Variants in CA10 observed in about 807,000 individuals in gnomAD.
CA10 encodes carbonic anhydrase-related protein 10.
CA10 carries 14 observed loss-of-function variants against 44.2 expected under a neutral mutation model. The ratio of observed to expected loss-of-function variants is 0.32; its 90% CI spans 0.21 to 0.50. The LOEUF is 0.50. CA10 is among the 20% of genes least tolerant of loss of function. CA10 has a pLI of 0.99. For synonymous variants in CA10, 159 were observed against 141.6 expected (o/e 1.12, Z -0.87); for missense variants, 350 against 409.7 (o/e 0.85, Z 1.26).
At chr17:52,091,987 A>G (rs1300191698) in intron 1 of CA10, among the ~76,000 whole-genome samples, 1 of 152,170 alleles carries the variant, frequency 6.6e-6, no homozygotes, top group African/African-American at 2.4e-5. Context: ...GGGCTTCTAA[A>G]TCACTACACA....
intron 3 of CA10, among the ~76,000 whole-genome samples, chr17:51,834,596 T>C (rs959448381): frequency 6.6e-6 from 1 of 152,312 alleles, no homozygotes. Flanking sequence ...GTGAGGATCA[T>C]GTAGCACATG....
intron 3 of CA10, among the ~76,000 whole-genome samples, chr17:51,876,666 T>TG (rs369642732): frequency 2.6e-5 from 4 of 151,558 alleles, no homozygotes; most frequent in African/African-American, 9.7e-5. Context: ...TACCAAATGT[T>TG]GGGGGGCAAA....
intron 2 of CA10, among the ~76,000 whole-genome samples, chr17:51,992,871 G>C (rs203036): frequency 0.52 from 79,094 of 151,848 alleles, 21,966 homozygotes; most frequent in African/African-American, 0.71. Context: ...CCAACTTGCT[G>C]TTTCCTTTTC....
chr17:52,077,572 T>C (rs1486326081), intron 1 of CA10, among the ~76,000 whole-genome samples: 1 of 152,016 alleles, frequency 6.6e-6, no homozygotes, highest in Non-Finnish European at 1.5e-5. Flanking sequence ...CAGTTCTGTC[T>C]TGGATCTAAA....
chr17:51,721,775 G>T (rs759990014), intron 4 of CA10, among the ~76,000 whole-genome samples: 3 of 152,080 alleles, frequency 2.0e-5, no homozygotes, highest in African/African-American at 7.2e-5. Flanking sequence ...GTGCTGAGAC[G>T]GTGGTGCACC....
intron 3 of CA10, among the ~76,000 whole-genome samples, chr17:51,869,806 C>T (rs190084105): frequency 6.3e-4 from 96 of 152,234 alleles, no homozygotes; most frequent in African/African-American, 2.2e-3. Context: ...AATCAAAGGA[C>T]AAGAAAATGT....
At chr17:51,942,280 G>C (rs577781821) in intron 2 of CA10, among the ~76,000 whole-genome samples, 3 of 152,042 alleles carry the variant, frequency 2.0e-5, no homozygotes, top group African/African-American at 7.2e-5. Context: ...TGCTGCCACT[G>C]AGTCTTGGAA....
intron 3 of CA10, among the ~76,000 whole-genome samples, chr17:51,869,246 T>C (rs986713804): frequency 6.6e-6 from 1 of 152,172 alleles, no homozygotes; most frequent in African/African-American, 2.4e-5. Context: ...CACTAACTTA[T>C]GGCCACAAAT....
At chr17:51,893,336 C>T (rs527457634) in intron 3 of CA10, among the ~76,000 whole-genome samples, 1 of 152,208 alleles carries the variant, frequency 6.6e-6, no homozygotes, top group South Asian at 2.1e-4. Context: ...GATGCAGAAA[C>T]ATAGCAACCA....
At chr17:51,743,723 G>T (rs1263980) in intron 4 of CA10, among the ~76,000 whole-genome samples, 63,382 of 152,048 alleles carry the variant, frequency 0.42, 13,995 homozygotes, top group Middle Eastern at 0.54. Context: ...AGATAGGGCA[G>T]ATGGCAATGT....
intron 1 of CA10, among the ~76,000 whole-genome samples, chr17:52,106,879 T>G (rs9900021): frequency 6.6e-6 from 1 of 152,048 alleles, no homozygotes; most frequent in Non-Finnish European, 1.5e-5. Flanking sequence ...TTTTGACCTA[T>G]CCTACAAAAA....
intron 6 of CA10, among the ~76,000 whole-genome samples, chr17:51,645,410 A>G (rs1310219534): frequency 3.3e-5 from 5 of 152,180 alleles, no homozygotes; most frequent in Non-Finnish European, 1.5e-5. Context: ...TATGTCAGTA[A>G]TGGCAATGTC....
At chr17:51,859,916 T>C (rs1598086195) in intron 3 of CA10, among the ~76,000 whole-genome samples, 1 of 152,144 alleles carries the variant, frequency 6.6e-6, no homozygotes, top group South Asian at 2.1e-4. Flanking sequence ...ATATTTCTTA[T>C]TTAAAGGTCA....
intron 3 of CA10, among the ~76,000 whole-genome samples, chr17:51,843,894 G>A (rs1378349501): frequency 6.6e-6 from 1 of 152,098 alleles, no homozygotes; most frequent in Non-Finnish European, 1.5e-5. Flanking sequence ...AGTCATCACT[G>A]AATTGACCCC....
chr17:52,081,111 A>T lies in CA10; in HGVS notation c.62-8718T>A, dbSNP rs557760012. ...TACATTCTCCGGGAGGGAGACAGAG[A>T]AAAGGAAAGAACTGAATTCAAATAT... On this transcript the variant is annotated intron_variant, in intron 1 of 8. Coordinates refer to ENST00000451037, the MANE Select transcript of CA10 (RefSeq NM_020178.5). Among the ~76,000 whole-genome samples the T allele has an allele frequency of 2.0e-5, 3 of 152,298 alleles. No homozygotes were observed. The South Asian group carries it at 6.2e-4, about 32-fold the overall frequency.
chr17:51,727,856 A>G (rs1252173315), intron 4 of CA10, among the ~76,000 whole-genome samples: 1 of 152,196 alleles, frequency 6.6e-6, no homozygotes, highest in Non-Finnish European at 1.5e-5. Context: ...TTAAAAATAA[A>G]AGACTTTTGC....
chr17:52,131,760 T>C (rs1208333126), intron 1 of CA10, among the ~76,000 whole-genome samples: 2 of 152,326 alleles, frequency 1.3e-5, no homozygotes, highest in South Asian at 4.1e-4. Context: ...TGTATGTGTA[T>C]TGGTGAACTA....
chr17:51,976,070 T>C (rs1230329943), intron 2 of CA10, among the ~76,000 whole-genome samples: 1 of 152,182 alleles, frequency 6.6e-6, no homozygotes, highest in Non-Finnish European at 1.5e-5. Context: ...TAGATAATGA[T>C]GCATATTTTA....
At chr17:51,951,336 A>G (rs1983473672) in intron 2 of CA10, among the ~76,000 whole-genome samples, 1 of 152,132 alleles carries the variant, frequency 6.6e-6, no homozygotes, top group African/African-American at 2.4e-5. Context: ...AAGGACCATA[A>G]AAACTGCCCA....
Sources: gnomAD v4.1 joint callset for allele counts (sites outside exome capture counted in the v4.1 genomes callset) on GRCh38, gnomAD v4.1.1 for gene constraint, MANE v1.5 for transcripts, NCBI Gene and HGNC (gene_info 2026-07-23, HGNC 2026-07-21) for gene names.